APP: variants seen among roughly 807,000 people sequenced by gnomAD.
The protein encoded by APP is amyloid beta precursor protein.
APP carries 31 observed loss-of-function variants against 101.4 expected under a neutral mutation model. The ratio of observed to expected loss-of-function variants is 0.31; its 90% CI spans 0.23 to 0.41. The LOEUF is 0.41. Among genes scored for constraint, APP ranks in the 10% least tolerant of loss-of-function variants. The pLI is 1.00. For missense variants in APP, 839 were observed against 1,003.7 expected (o/e 0.84, Z 2.22); for synonymous variants, 366 against 364.4 (o/e 1.00, Z -0.05).
At chr21:26,130,716 C>T (rs528781635) in intron 1 of APP, among the ~76,000 whole-genome samples, 19 of 152,280 alleles carry the variant, frequency 1.2e-4, no homozygotes, top group African/African-American at 3.9e-4. Flanking sequence ...TTTCTAGATG[C>T]GTCAGGTCTG....
intron 3 of APP, among the ~76,000 whole-genome samples, chr21:26,075,138 C>A (rs990393365): frequency 6.6e-6 from 1 of 152,038 alleles, no homozygotes; most frequent in Non-Finnish European, 1.5e-5. Flanking sequence ...TTTCCCTTTC[C>A]TTTTCCAATA....
At chr21:26,081,440 T>C (rs553131713) in intron 3 of APP, among the ~76,000 whole-genome samples, 8 of 152,186 alleles carry the variant, frequency 5.3e-5, no homozygotes, top group Admixed American at 3.9e-4. Flanking sequence ...GGGGAGTTTT[T>C]GAGCCAGGAT....
chr21:25,884,557 C>T (rs1601257970), intron 17 of APP, among the ~76,000 whole-genome samples: 1 of 151,818 alleles, frequency 6.6e-6, no homozygotes, highest in Admixed American at 6.6e-5. Context: ...AAGATTAGCA[C>T]CAATAATGAG....
intron 5 of APP, among the ~76,000 whole-genome samples, chr21:26,032,815 T>TAA (rs879693696): frequency 0.044 from 6,653 of 150,174 alleles, 215 homozygotes; most frequent in East Asian, 0.081. Flanking sequence ...AATATATATA[T>TAA]ATATATAAAG....
intron 17 of APP, among the ~76,000 whole-genome samples, chr21:25,882,000 C>T (rs1006721129): frequency 6.6e-6 from 1 of 152,004 alleles, no homozygotes; most frequent in Non-Finnish European, 1.5e-5. Flanking sequence ...AACCTTGACG[C>T]GCTTGCAACG....
At chr21:25,930,604 G>C (rs1262465531) in intron 13 of APP, among the ~76,000 whole-genome samples, 1 of 135,278 alleles carries the variant, frequency 7.4e-6, no homozygotes, top group Non-Finnish European at 1.6e-5. Context: ...ATATATATAT[G>C]TAAAATCACA....
intron 5 of APP, among the ~76,000 whole-genome samples, chr21:26,037,834 C>T (rs1360867061): frequency 3.9e-5 from 6 of 152,186 alleles, no homozygotes; most frequent in Admixed American, 3.3e-4. Flanking sequence ...TAACCATTAA[C>T]ATTCAAATGA....
rs141145244 is a variant in APP at position 26,159,754 on chromosome 21, A to G, written c.57+10810T>C. ...ATCTCATCGGCTATTTATTAAATCA[A>G]TAAATACAATTAAAAACACATGCGC... is the stretch of plus-strand genomic sequence containing the variant. On this transcript the variant is annotated intron_variant, in intron 1 of 17. Transcript: ENST00000346798. 5.2e-3 allele frequency among the ~76,000 whole-genome samples: 799 copies of G among 152,358 alleles called. 6 individuals carry two copies. The highest frequency in any genetic ancestry group is 0.018 in the African/African-American group (728 of 41,580).
chr21:25,961,879 T>C (rs1601038392), intron 11 of APP, among the ~76,000 whole-genome samples: 2 of 151,886 alleles, frequency 1.3e-5, no homozygotes, highest in Admixed American at 6.6e-5. Flanking sequence ...ACGAAAAGGA[T>C]ATTGATAAAG....
At chr21:25,915,813 T>C (rs1232424985) in intron 13 of APP, among the ~76,000 whole-genome samples, 1 of 152,246 alleles carries the variant, frequency 6.6e-6, no homozygotes, top group Non-Finnish European at 1.5e-5. Context: ...CCTTTTCTCT[T>C]TTCTCTGTTA....
At chr21:26,049,336 C>T (rs913695134) in intron 5 of APP, among the ~76,000 whole-genome samples, 1 of 152,258 alleles carries the variant, frequency 6.6e-6, no homozygotes, top group Non-Finnish European at 1.5e-5. Context: ...GTTTATTCAA[C>T]AAACACGTAC....
chr21:25,899,815 G>GATT (rs2038322590), intron 15 of APP, among the ~76,000 whole-genome samples: 1 of 152,096 alleles, frequency 6.6e-6, no homozygotes, highest in Non-Finnish European at 1.5e-5. Flanking sequence ...GGTAACTAAT[G>GATT]GGCTAGGGCT....
intron 13 of APP, among the ~76,000 whole-genome samples, chr21:25,937,505 G>C (rs1232526546): frequency 1.3e-5 from 2 of 152,148 alleles, no homozygotes; most frequent in East Asian, 3.8e-4. Flanking sequence ...GACAACTCCA[G>C]GCACATTTTG....
intron 5 of APP, among the ~76,000 whole-genome samples, chr21:26,042,033 T>G (rs1044569834): frequency 6.6e-6 from 1 of 152,158 alleles, no homozygotes; most frequent in Admixed American, 6.5e-5. Flanking sequence ...GCCATTTCAT[T>G]AAATCCACTC....
chr21:26,057,471 CACCA>C (rs1568921192), intron 3 of APP, among the ~76,000 whole-genome samples: 1 of 123,238 alleles, frequency 8.1e-6, no homozygotes, highest in East Asian at 2.5e-4. Context: ...GCATGTCACA[CACCA>C]CACACACACA....
chr21:26,139,269 T>A (rs895101971), intron 1 of APP, among the ~76,000 whole-genome samples: 4 of 152,182 alleles, frequency 2.6e-5, no homozygotes, highest in African/African-American at 9.7e-5. Context: ...AGAGTGAGAA[T>A]GTACATTATC....
intron 6 of APP, chr21:26,009,469 G>A (rs1228340647): frequency 6.6e-6 from 1 of 151,944 alleles, no homozygotes; most frequent in Non-Finnish European, 1.5e-5. Flanking sequence ...GAATTCAAGT[G>A]GTATCATTCC....
chr21:26,079,174 G>C (rs374956243), intron 3 of APP, among the ~76,000 whole-genome samples: 2 of 152,066 alleles, frequency 1.3e-5, no homozygotes, highest in African/African-American at 4.8e-5. Flanking sequence ...CTTGGGGTAG[G>C]GACTGATGGA....
intron 12 of APP, among the ~76,000 whole-genome samples, chr21:25,955,341 T>C (rs962573654): frequency 6.6e-6 from 1 of 152,230 alleles, no homozygotes; most frequent in Admixed American, 6.5e-5. Context: ...TTTTAGTTTA[T>C]ACAACTTTTG....
Sources: gnomAD v4.1 joint callset for allele counts (sites outside exome capture counted in the v4.1 genomes callset) on GRCh38, gnomAD v4.1.1 for gene constraint, MANE v1.5 for transcripts, NCBI Gene and HGNC (gene_info 2026-07-23, HGNC 2026-07-21) for gene names.